SDCCAG8: variants seen among roughly 807,000 people sequenced by gnomAD.
The protein encoded by SDCCAG8 is SHH signaling and ciliogenesis regulator SDCCAG8, also known as serologically defined colon cancer antigen 8.
SDCCAG8 carries 74 observed loss-of-function variants against 101.8 expected under a neutral mutation model. The observed-to-expected ratio is 0.73, with a 90% CI of 0.60 to 0.88. The LOEUF is 0.88. Among genes scored for constraint, SDCCAG8 ranks in the 40% least tolerant of loss-of-function variants. The pLI is 0.00. For missense variants in SDCCAG8, 787 were observed against 822.6 expected, an observed-to-expected ratio of 0.96 and a Z score of 0.53; for synonymous variants, 281 against 292.9, an observed-to-expected ratio of 0.96 and a Z score of 0.41.
At chr1:243,265,690 G>A (rs1022422317) in intron 1 of SDCCAG8, among the ~76,000 whole-genome samples, 1 of 152,054 alleles carries the variant, frequency 6.6e-6, no homozygotes, top group African/African-American at 2.4e-5. Context: ...GCGCATGCCT[G>A]TAATCCCAGC....
chr1:243,378,709 T>C lies in SDCCAG8; in HGVS notation c.1474-12T>C, dbSNP rs2077749558. On this transcript the variant is annotated splice_polypyrimidine_tract_variant and intron_variant, in intron 12 of 17. Transcript: ENST00000366541. ...TTTATATGGATGCTTTTTCCCCTTCTCTCTACCTAAGGAAATAGAGAAATT... is the reference window on the plus strand; with the variant it reads ...TTTATATGGATGCTTTTTCCCCTTCCCTCTACCTAAGGAAATAGAGAAATT... The C allele has an allele frequency of 1.2e-6, 2 of 1,613,582 alleles. No homozygotes were observed. Among genetic ancestry groups the C allele is most frequent in the Non-Finnish European group, 1.7e-6 (2 of 1,179,756 alleles).
chr1:243,313,444 G>T (rs529806973), intron 8 of SDCCAG8, among the ~76,000 whole-genome samples: 28 of 152,226 alleles, frequency 1.8e-4, no homozygotes, highest in African/African-American at 6.5e-4. Context: ...TGATTGCTGC[G>T]CTAAGTTTCT....
chr1:243,313,808 A>T (rs1367858737), intron 8 of SDCCAG8, among the ~76,000 whole-genome samples: 1 of 152,214 alleles, frequency 6.6e-6, no homozygotes, highest in Non-Finnish European at 1.5e-5. Flanking sequence ...GATCTAGAGC[A>T]GGACTGTAGC....
At chr1:243,478,063 G>C (rs1365692918) in intron 16 of SDCCAG8, among the ~76,000 whole-genome samples, 2 of 152,170 alleles carry the variant, frequency 1.3e-5, no homozygotes, top group Non-Finnish European at 2.9e-5. Context: ...GCTCATTGGG[G>C]AATCCCTGGC....
At chr1:243,361,756 A>G (rs1012500134) in intron 12 of SDCCAG8, among the ~76,000 whole-genome samples, 2 of 152,192 alleles carry the variant, frequency 1.3e-5, no homozygotes, top group Admixed American at 1.3e-4. Flanking sequence ...CAATGTCTCT[A>G]CTTCACTGGC....
intron 16 of SDCCAG8, among the ~76,000 whole-genome samples, chr1:243,437,058 T>C (rs1013254264): frequency 2.6e-5 from 4 of 152,226 alleles, no homozygotes; most frequent in Non-Finnish European, 5.9e-5. Flanking sequence ...TTGGTTTATC[T>C]TTTTGGTAGA....
intron 17 of SDCCAG8, among the ~76,000 whole-genome samples, chr1:243,498,541 C>G (rs1048765632): frequency 6.6e-6 from 1 of 152,236 alleles, no homozygotes; most frequent in Non-Finnish European, 1.5e-5. Context: ...GCTGAGACCA[C>G]CCCACTACTC....
chr1:243,435,947 T>G (rs1382357070), intron 16 of SDCCAG8, among the ~76,000 whole-genome samples: 1 of 152,172 alleles, frequency 6.6e-6, no homozygotes. Context: ...ATTTCCCATA[T>G]ACCCCATACA....
At chr1:243,483,563 G>A (rs887934675) in intron 16 of SDCCAG8, among the ~76,000 whole-genome samples, 1 of 141,518 alleles carries the variant, frequency 7.1e-6, no homozygotes, top group Non-Finnish European at 1.5e-5. Flanking sequence ...CCCACCCTCC[G>A]CACCCCGTCT....
In SDCCAG8 at chr1:243,307,987, A is replaced by C. The variant is rs1393858993; in HGVS notation, c.741-2A>C. 1 of 1,613,558 alleles carries C rather than the reference A, an allele frequency of 6.2e-7. No homozygotes were observed. Among genetic ancestry groups the C allele is most frequent in the Non-Finnish European group, 8.5e-7 (1 of 1,179,980 alleles). ...TCTAGAATTTTTTCACCCTCTTTTT[A>C]GGAACGACTTAGCTGAATATCAGAG... On this transcript the variant is annotated splice_acceptor_variant, in intron 7 of 17. Coordinates refer to ENST00000366541, the MANE Select transcript of SDCCAG8 (RefSeq NM_006642.5). LOFTEE classifies it high-confidence loss of function.
At chr1:243,483,142 G>T (rs1288201169) in intron 16 of SDCCAG8, among the ~76,000 whole-genome samples, 1 of 152,222 alleles carries the variant, frequency 6.6e-6, no homozygotes, top group Non-Finnish European at 1.5e-5. Context: ...GGCCCGTGGC[G>T]ACGGTGAGGG....
At chr1:243,435,286 T>C (rs1398640638) in intron 16 of SDCCAG8, among the ~76,000 whole-genome samples, 1 of 152,262 alleles carries the variant, frequency 6.6e-6, no homozygotes, top group Non-Finnish European at 1.5e-5. Context: ...CTCCATGGGC[T>C]AATTCCTTAA....
At chr1:243,431,500 C>A (rs1482144188) in intron 16 of SDCCAG8, among the ~76,000 whole-genome samples, 1 of 151,890 alleles carries the variant, frequency 6.6e-6, no homozygotes, top group Admixed American at 6.6e-5. Context: ...TGAGATCAAG[C>A]GTTACGTTTT....
intron 12 of SDCCAG8, among the ~76,000 whole-genome samples, chr1:243,348,818 CAA>C (rs34405078): frequency 0.013 from 1,698 of 131,242 alleles, 14 homozygotes; most frequent in African/African-American, 0.03. Flanking sequence ...ACTAAAAATA[CAA>C]AAAAAAAAAA....
intron 12 of SDCCAG8, among the ~76,000 whole-genome samples, chr1:243,359,647 T>G (rs1390263660): frequency 6.6e-6 from 1 of 152,134 alleles, no homozygotes; most frequent in African/African-American, 2.4e-5. Flanking sequence ...ATGCCAGAAG[T>G]GGCTGTAAGG....
chr1:243,452,373 T>TAGG (rs1229669218), intron 16 of SDCCAG8, among the ~76,000 whole-genome samples: 9 of 150,580 alleles, frequency 6.0e-5, no homozygotes, highest in Middle Eastern at 3.5e-3. Context: ...TTCTCTGTCA[T>TAGG]ACCTTTTTGA....
chr1:243,469,982 A>G (rs987041588), intron 16 of SDCCAG8, among the ~76,000 whole-genome samples: 1 of 147,290 alleles, frequency 6.8e-6, no homozygotes, highest in African/African-American at 2.6e-5. Flanking sequence ...TCCCCTTTCC[A>G]CCCTTCTTTG....
chr1:243,378,372 T>C (rs372900190), intron 12 of SDCCAG8, among the ~76,000 whole-genome samples: 3 of 152,158 alleles, frequency 2.0e-5, no homozygotes, highest in African/African-American at 7.2e-5. Flanking sequence ...ATGTGTCTGA[T>C]TGAATCTCAC....
chr1:243,272,912 A>G (rs1447999278), intron 3 of SDCCAG8, among the ~76,000 whole-genome samples: 2 of 152,238 alleles, frequency 1.3e-5, no homozygotes, highest in Non-Finnish European at 2.9e-5. Flanking sequence ...GTTATTACTT[A>G]TTGTCTTAAA....
Sources: allele counts gnomAD v4.1 joint callset (sites outside exome capture counted in the v4.1 genomes callset), GRCh38; gene constraint gnomAD v4.1.1; transcripts MANE v1.5; gene names NCBI Gene and HGNC (gene_info 2026-07-23, HGNC 2026-07-21).